Variants in TCF4 observed in about 807,000 individuals in gnomAD.
TCF4 encodes transcription factor 4.
Under a neutral mutation model 82.1 loss-of-function variants are expected in TCF4, and 3 were observed. That is an observed-to-expected ratio of 0.04 (90% CI 0.02 to 0.09). The LOEUF is 0.09. Ranked by LOEUF, TCF4 falls within the 10% of genes least tolerant of loss-of-function variation. The probability of loss-of-function intolerance (pLI) is 1.00; values close to 1 mark genes in which losing one functional copy is unlikely to be tolerated. For synonymous variants in TCF4, 276 were observed against 309.6 expected (o/e 0.89, Z 1.14); for missense variants, 518 against 852.7 (o/e 0.61, Z 4.89).
chr18:55,295,335 GTGATGAGGACGA>G (rs1170828033), intron 8 of TCF4, among the ~76,000 whole-genome samples: 1 of 152,166 alleles, frequency 6.6e-6, no homozygotes, highest in East Asian at 1.9e-4. Context: ...TCATTTTCCG[GTGATGAGGACGA>G]TGATGATGAC....
At chr18:55,566,219 T>C (rs1302147699) in intron 3 of TCF4, among the ~76,000 whole-genome samples, 3 of 151,226 alleles carry the variant, frequency 2.0e-5, no homozygotes, top group Non-Finnish European at 4.4e-5. Flanking sequence ...CCTCAAAAAC[T>C]AAAAAATAAA....
At chr18:55,256,358 A>C (rs773020064) in intron 14 of TCF4, among the ~76,000 whole-genome samples, 3 of 152,104 alleles carry the variant, frequency 2.0e-5, no homozygotes, top group Non-Finnish European at 2.9e-5. Flanking sequence ...AAAACAACTA[A>C]TTATGTGGAT....
intron 3 of TCF4, among the ~76,000 whole-genome samples, chr18:55,473,043 G>T (rs1234809125): frequency 6.6e-6 from 1 of 152,126 alleles, no homozygotes; most frequent in Non-Finnish European, 1.5e-5. Flanking sequence ...AACCATACAT[G>T]TAATATTTAT....
upstream of TCF4, chr18:55,589,680 C>CTCATCA (rs957338606): frequency 4.8e-6 from 5 of 1,036,322 alleles, no homozygotes; most frequent in African/African-American, 5.1e-5. Context: ...TTAGAGGTGT[C>CTCATCA]TCATCATCAT....
At chr18:55,295,728 C>T (rs1408862019) in intron 8 of TCF4, among the ~76,000 whole-genome samples, 1 of 152,192 alleles carries the variant, frequency 6.6e-6, no homozygotes, top group Admixed American at 6.5e-5. Context: ...TTTATGTTAT[C>T]CTTTTGTACC....
intron 2 of TCF4, among the ~76,000 whole-genome samples, chr18:55,618,709 C>T (rs2097714623): frequency 6.6e-6 from 1 of 151,706 alleles, no homozygotes; most frequent in African/African-American, 2.4e-5. Context: ...AGCGTCATAA[C>T]TAACTGGGAC....
At chr18:55,429,298 C>T (rs2095101623) in intron 5 of TCF4, among the ~76,000 whole-genome samples, 1 of 152,194 alleles carries the variant, frequency 6.6e-6, no homozygotes, top group Admixed American at 6.5e-5. Flanking sequence ...CTTTGTGGGT[C>T]CCCACAGAAG....
At chr18:55,473,042 T>C (rs2096219621) in intron 3 of TCF4, among the ~76,000 whole-genome samples, 1 of 152,224 alleles carries the variant, frequency 6.6e-6, no homozygotes, top group Admixed American at 6.5e-5. Context: ...AAACCATACA[T>C]GTAATATTTA....
intron 6 of TCF4, among the ~76,000 whole-genome samples, chr18:55,360,886 C>T (rs972074373): frequency 2.0e-5 from 3 of 151,736 alleles, no homozygotes; most frequent in Non-Finnish European, 4.4e-5. Flanking sequence ...GCCACCATGC[C>T]CAGCTAATTT....
intron 8 of TCF4, among the ~76,000 whole-genome samples, chr18:55,286,119 GT>G (rs1292401672): frequency 6.6e-6 from 1 of 152,138 alleles, no homozygotes; most frequent in African/African-American, 2.4e-5. Context: ...GGCCTCTAGT[GT>G]TTTTGACAAA....
intron 8 of TCF4, among the ~76,000 whole-genome samples, chr18:55,327,185 T>G (rs115104574): frequency 0.011 from 1,719 of 152,286 alleles, 47 homozygotes; most frequent in African/African-American, 0.037. Context: ...GGGATCCTAA[T>G]TATTTTAAAT....
At chr18:55,314,489 T>C (rs2073533176) in intron 8 of TCF4, among the ~76,000 whole-genome samples, 1 of 151,982 alleles carries the variant, frequency 6.6e-6, no homozygotes, top group African/African-American at 2.4e-5. Flanking sequence ...CTGGATAGGG[T>C]TTAAATACGC....
chr18:55,621,796 T>C, intron 2 of TCF4, among the ~76,000 whole-genome samples: 1 of 88,234 alleles, frequency 1.1e-5, no homozygotes, highest in South Asian at 4.2e-4. Flanking sequence ...TATTATATAT[T>C]ATATGTTATA....
At chr18:55,586,134 GA>G in intron 2 of TCF4, 1 of 1,429,938 alleles carries the variant, frequency 7.0e-7, no homozygotes, top group Non-Finnish European at 9.3e-7. Context: ...AGGAGGAGGA[GA>G]AGGAGGAGGA....
chr18:55,456,784 T>TA (rs2095764802), intron 5 of TCF4, among the ~76,000 whole-genome samples: 1 of 152,024 alleles, frequency 6.6e-6, no homozygotes, highest in Non-Finnish European at 1.5e-5. Flanking sequence ...ATAACCCTCT[T>TA]AAAAAAACAG....
intron 8 of TCF4, among the ~76,000 whole-genome samples, chr18:55,292,156 A>C (rs2065243155): frequency 6.6e-6 from 1 of 152,142 alleles, no homozygotes; most frequent in African/African-American, 2.4e-5. Context: ...CATTTGATCT[A>C]ATTTTTTCTT....
At chr18:55,397,964 T>C (rs2093597341) in intron 6 of TCF4, among the ~76,000 whole-genome samples, 1 of 152,162 alleles carries the variant, frequency 6.6e-6, no homozygotes. Flanking sequence ...TTTTCAACTG[T>C]TCTGGATGCT....
chr18:55,599,720 G>A (rs540869548), intron 2 of TCF4, among the ~76,000 whole-genome samples: 11 of 152,150 alleles, frequency 7.2e-5, no homozygotes, highest in Non-Finnish European at 1.6e-4. Flanking sequence ...GAGTCTTATC[G>A]CAAAACAAAA....
intron 3 of TCF4, among the ~76,000 whole-genome samples, chr18:55,468,891 C>CCCCCAA (rs763484029): frequency 7.8e-6 from 1 of 127,694 alleles, no homozygotes; most frequent in African/African-American, 3.0e-5. Flanking sequence ...GCCCCCCCCC[C>CCCCCAA]CCTTGTTCTA....
Sources: gnomAD v4.1 joint callset for allele counts (sites outside exome capture counted in the v4.1 genomes callset) on GRCh38, gnomAD v4.1.1 for gene constraint, MANE v1.5 for transcripts, NCBI Gene and HGNC (gene_info 2026-07-23, HGNC 2026-07-21) for gene names.